The following AHNAK variants were observed in gnomAD, a reference collection of about 807,000 sequenced individuals.
AHNAK encodes the protein neuroblast differentiation-associated protein AHNAK.
AHNAK carries 23 observed loss-of-function variants against 37.8 expected under a neutral mutation model. That is an observed-to-expected ratio of 0.61 (90% confidence interval 0.44 to 0.86). The LOEUF (loss-of-function observed/expected upper bound fraction) is 0.86. Ranked by LOEUF, AHNAK falls within the 40% of genes least tolerant of loss-of-function variation. AHNAK has a pLI of 0.00. For synonymous variants in AHNAK, 2,481 were observed against 2,636.3 expected, an observed-to-expected ratio of 0.94 and a Z score of 1.80; for missense variants, 7,411 against 7,319.4, an observed-to-expected ratio of 1.01 and a Z score of -0.46.
chr11:62,531,038 G>A lies in AHNAK; in HGVS notation c.3379C>T (p.Pro1127Ser). 6.2e-7 allele frequency: 1 copy of A among 1,613,906 alleles called. No individual in the cohort carries two copies. Among genetic ancestry groups the A allele is most frequent in the Non-Finnish European group, 8.5e-7 (1 of 1,179,982 alleles). ...GQGLDWSLKI[P>S]KMKMPKFSMP... ...CTGAACTTGGGCATTTTCATCTTGGGTATTTTCAGGCTCCAGTCCAGGCCT... is the reference window on the plus strand; with the variant it reads ...CTGAACTTGGGCATTTTCATCTTGGATATTTTCAGGCTCCAGTCCAGGCCT... The change falls in exon 5 of 5, where the codon CCC becomes TCC. Residue 1127 changes from proline to serine, a missense_variant. Physicochemically the swap from Pro to Ser is moderately conservative, Grantham distance 74 (BLOSUM62 -1). Coordinates refer to ENST00000378024, the MANE Select transcript of AHNAK (RefSeq NM_001620.3).
chr11:62,472,793 G>A (rs529932757), intron 5 of AHNAK, among the ~76,000 whole-genome samples: 22 of 151,998 alleles, frequency 1.4e-4, no homozygotes, highest in Middle Eastern at 3.2e-3. Flanking sequence ...TAAAATTCAC[G>A]AAACAAAGTA....
At chr11:62,491,536 C>T (rs1939504324) in intron 5 of AHNAK, among the ~76,000 whole-genome samples, 1 of 152,132 alleles carries the variant, frequency 6.6e-6, no homozygotes. Flanking sequence ...TTCCTATGGG[C>T]TTCTCACAAA....
At chr11:62,464,558 C>G (rs1451089562) in intron 5 of AHNAK, among the ~76,000 whole-genome samples, 2 of 151,972 alleles carry the variant, frequency 1.3e-5, no homozygotes, top group East Asian at 3.9e-4. Context: ...GTCCCAGCTA[C>G]TCAGGAGGCT....
Position 62,449,075 on chromosome 11 carries a change from A to G in AHNAK, c.443-15184T>C, listed in dbSNP as rs1023114680. 4.0e-5 allele frequency among the ~76,000 whole-genome samples: 6 copies of G among 151,886 alleles called. 1 individual carries two copies. Among genetic ancestry groups the G allele is most frequent in the African/African-American group, 1.5e-4 (6 of 41,326 alleles). ...AGAGCGAGACTCTGTCTCAAAGATA[A>G]TAATAATAATAATAAAGTTCTGGGA... On this transcript the variant is annotated intron_variant, in intron 5 of 5. Transcript: ENST00000257247.
intron 5 of AHNAK, among the ~76,000 whole-genome samples, chr11:62,474,005 A>G (rs1247337179): frequency 2.6e-5 from 4 of 152,154 alleles, no homozygotes; most frequent in African/African-American, 9.7e-5. Context: ...GTCTCAAAAA[A>G]AAAAAATAGG....
rs1940131228 is a variant in AHNAK, at chr11:62,519,047, G to C, written c.15370C>G (p.Leu5124Val). 6.2e-7 allele frequency: 1 copy of C among 1,613,172 alleles called. No homozygotes were observed. The highest frequency in any genetic ancestry group is 8.5e-7 in the Non-Finnish European group (1 of 1,179,358). Residue 5124 changes from leucine (L) to valine (V), a missense_variant, in exon 5 of 5, where the codon CTT becomes GTT. By Grantham distance (32) the Leu-to-Val change is conservative (BLOSUM62 1). Coordinates refer to ENST00000378024, the MANE Select transcript of AHNAK (RefSeq NM_001620.3). ...TCGACGTGAATCGCTGGCAAAGAAA[G>C]TTCCAGATCAGGTGCCTGGAGTTCA... is the stretch of plus-strand genomic sequence containing the variant. ...EGELQAPDLELSLPAIHVEGL... is the reference protein window; with the variant it reads ...EGELQAPDLEVSLPAIHVEGL...
At chr11:62,495,188 A>G (rs1387347165) in intron 4 of AHNAK, among the ~76,000 whole-genome samples, 1 of 152,130 alleles carries the variant, frequency 6.6e-6, no homozygotes, top group Non-Finnish European at 1.5e-5. Context: ...AAAAAAAAAG[A>G]AAGTGGCAGA....
chr11:62,433,960 G>A, intron 5 of AHNAK: 1 of 1,590,384 alleles, frequency 6.3e-7, no homozygotes, highest in African/African-American at 1.4e-5. Flanking sequence ...ATCAGAAGAT[G>A]GTTCGTTAAC....
chr11:62,522,259 C>T lies in AHNAK; in HGVS notation c.12158G>A (p.Gly4053Asp). The change falls in exon 5 of 5, where the codon GGC becomes GAC. Residue 4053 changes from glycine to aspartate, a missense_variant. Physicochemically the swap from Gly to Asp is moderately conservative, Grantham distance 94. Coordinates refer to ENST00000378024, the MANE Select transcript of AHNAK (RefSeq NM_001620.3). ...GGGCATCTTCAGGTGCCAGTCTGGG[C>T]CATGAACATCCACATCTGGGGCATC... Reference protein sequence around the residue: ...DIDAPDVDVHGPDWHLKMPKV... With the variant: ...DIDAPDVDVHDPDWHLKMPKV... The T allele has an allele frequency of 6.2e-7, 1 of 1,613,350 alleles. No homozygotes were observed. The highest frequency in any genetic ancestry group is 8.5e-7 in the Non-Finnish European group (1 of 1,179,896).
chr11:62,491,787 T>C lies in AHNAK; in HGVS notation c.387A>G (p.Lys129=), dbSNP rs376011064. ...CGGCTTGGCTGCTGGCTTCCTTCTG[T>C]TTGTTCTGGTCTTTGCATTCCAGTG... is the stretch of plus-strand genomic sequence containing the variant. Residue 129 remains lysine, a synonymous_variant, in exon 5 of 6, where the codon AAA becomes AAG. Transcript: ENST00000257247. The C allele has an allele frequency of 5.0e-6, 8 of 1,613,086 alleles. No homozygotes were observed. In the South Asian group the frequency reaches 7.7e-5, roughly 16 times the overall value.
At position 62,517,442 on chromosome 11, in the gene AHNAK, G is replaced by A; in HGVS notation, c.16975C>T (p.Pro5659Ser). 1 of 1,614,114 alleles carries A rather than the reference G, an allele frequency of 6.2e-7. No individual in the cohort carries two copies. The highest frequency in any genetic ancestry group is 8.5e-7 in the Non-Finnish European group (1 of 1,180,014). The change falls in exon 5 of 5, where the codon CCT becomes TCT. Residue 5659 changes from proline (P) to serine (S), a missense_variant. Pro to Ser is a moderately conservative substitution (Grantham distance 74). Transcript: ENST00000378024. Reference sequence around the variant, plus strand: ...GTAAATTTGGGGATCTTCATTTTAGGGAATGTTACTTTTCCAGATCCACTT... The same window carrying A: ...GTAAATTTGGGGATCTTCATTTTAGAGAATGTTACTTTTCCAGATCCACTT... ...LESGSGKVTF[P>S]KMKIPKFTFS... is the part of the protein sequence containing the mutation.
At position 62,528,205 on chromosome 11, in the gene AHNAK, T is replaced by G. The variant is rs1403179721; in HGVS notation, c.6212A>C (p.Asn2071Thr). ...FKAEGPEVDVNLPKADVVVSG... is the reference protein window; with the variant it reads ...FKAEGPEVDVTLPKADVVVSG... ...GACAACAACATCAGCCTTGGGCAAG[T>G]TCACATCCACTTCTGGGCCCTCTGC... Residue 2071 changes from asparagine (N) to threonine (T), a missense_variant, in exon 5 of 5, where the codon AAC becomes ACC. Transcript: ENST00000378024. 5.0e-6 allele frequency: 8 copies of G among 1,614,064 alleles called. No individual in the cohort carries two copies.
chr11:62,525,827 G>A lies in AHNAK; in HGVS notation c.8590C>T (p.Leu2864=), dbSNP rs779037423. ...TTGAGGTCAACTTCAGGACCTTTCA[G>A]ATCTCCCTCTACCTTAGGGCCTGTA... ...DVTGPKVEGD[L]KGPEVDLKGP... is the part of the protein sequence containing the mutation. Residue 2864 remains leucine, a synonymous_variant, in exon 5 of 5, where the codon CTG becomes TTG. Coordinates refer to ENST00000378024, the MANE Select transcript of AHNAK (RefSeq NM_001620.3). The A allele has an allele frequency of 6.2e-7, 1 of 1,613,922 alleles. No homozygotes were observed. Among genetic ancestry groups the A allele is most frequent in the African/African-American group, 1.3e-5 (1 of 74,860 alleles).
In AHNAK at chr11:62,535,183, C is replaced by T; in HGVS notation, c.162G>A (p.Gln54=). ...CAAAGTAGATGGTGGCACCCACAAT[C>T]TGGTCCCCTGAGCAGGGAAGAGCAG... ...ARTGVVKEGD[Q]IVGATIYFDN... Residue 54 remains glutamine, a synonymous_variant, in exon 4 of 5, where the codon CAG becomes CAA. Transcript: ENST00000378024. 6.2e-7 allele frequency: 1 copy of T among 1,609,456 alleles called. No individual in the cohort carries two copies. The highest frequency in any genetic ancestry group is 8.5e-7 in the Non-Finnish European group (1 of 1,176,086).
chr11:62,522,141 T>G lies in AHNAK; in HGVS notation c.12276A>C (p.Ser4092=). ...VNLPKADIDV[S]GPKVDIDTPD... is the part of the protein sequence containing the mutation. ...GAGTGTCAATGTCCACTTTGGGTCC[T>G]GAGACATCAATGTCAGCTTTGGGCA... Residue 4092 remains serine (S), a synonymous_variant, in exon 5 of 5, where the codon TCA becomes TCC. Transcript: ENST00000378024. 6.2e-7 allele frequency: 1 copy of G among 1,613,934 alleles called. No homozygotes were observed. Among genetic ancestry groups the G allele is most frequent in the Non-Finnish European group, 8.5e-7 (1 of 1,180,004 alleles).
chr11:62,525,595 C>T lies in AHNAK; in HGVS notation c.8822G>A (p.Gly2941Glu), dbSNP rs562908073. The T allele has an allele frequency of 5.0e-6, 8 of 1,613,868 alleles. No homozygotes were observed. In the East Asian group the frequency reaches 1.1e-4, roughly 22 times the overall value. Residue 2941 changes from glycine (G) to glutamate (E), a missense_variant, in exon 5 of 5, where the codon GGA becomes GAA. By Grantham distance (98) the Gly-to-Glu change is moderately conservative (BLOSUM62 -2). Coordinates refer to ENST00000378024, the MANE Select transcript of AHNAK (RefSeq NM_001620.3). The part of the protein sequence containing the change: ...DVEGPDVNIE[G>E]PEGKLKGPKF... ...GGGCCCTTTCAACTTTCCCTCTGGT[C>T]CTTCAATGTTAACATCAGGGCCTTC...
chr11:62,492,885 A>G (rs1451750966), intron 4 of AHNAK, among the ~76,000 whole-genome samples: 1 of 150,874 alleles, frequency 6.6e-6, no homozygotes, highest in East Asian at 1.9e-4. Flanking sequence ...CTCAAAAAAA[A>G]AGGGAGATTG....
At chr11:62,544,002 C>T (rs982460729) in intron 1 of AHNAK, among the ~76,000 whole-genome samples, 1 of 152,132 alleles carries the variant, frequency 6.6e-6, no homozygotes, top group Admixed American at 6.5e-5. Flanking sequence ...TTCCCAAGTT[C>T]TAAAGAAGGT....
rs1348286936 is a variant in AHNAK at position 62,527,702 on chromosome 11, A to G, written c.6715T>C (p.Trp2239Arg). ...TTCATCTTAGGCATCTTCAGGTGCC[A>G]GTCTGGGCCATGAACATCCACATCT... ...APDVDVHGPD[W>R]HLKMPKMKMP... Residue 2239 changes from tryptophan (W) to arginine (R), a missense_variant, in exon 5 of 5, where the codon TGG becomes CGG. Transcript: ENST00000378024. 1.2e-6 allele frequency: 2 copies of G among 1,613,982 alleles called. No homozygotes were observed. Among genetic ancestry groups the G allele is most frequent in the Non-Finnish European group, 1.7e-6 (2 of 1,180,028 alleles).
Sources: gnomAD v4.1 joint callset for allele counts (sites outside exome capture counted in the v4.1 genomes callset) on GRCh38, gnomAD v4.1.1 for gene constraint, MANE v1.5 for transcripts, NCBI Gene and HGNC (gene_info 2026-07-23, HGNC 2026-07-21) for gene names.